GATAD2A: variants seen among roughly 807,000 people sequenced by gnomAD.
GATAD2A encodes transcriptional repressor p66-alpha.
A neutral mutation model predicts 68.5 loss-of-function variants in GATAD2A; 12 were observed. That is an observed-to-expected ratio of 0.18 (90% CI 0.11 to 0.28). The LOEUF (loss-of-function observed/expected upper bound fraction) is 0.28, where lower values mean the gene tolerates loss of function less well. Ranked by LOEUF, GATAD2A falls within the 10% of genes least tolerant of loss-of-function variation. GATAD2A has a pLI of 1.00. For missense variants in GATAD2A, 755 were observed against 868.5 expected (o/e 0.87, Z 1.64); for synonymous variants, 410 against 375.3 (o/e 1.09, Z -1.07).
At chr19:19,432,219 C>T (rs2053835547) in intron 1 of GATAD2A, among the ~76,000 whole-genome samples, 1 of 152,162 alleles carries the variant, frequency 6.6e-6, no homozygotes, top group Non-Finnish European at 1.5e-5. Flanking sequence ...AGGTGATCTA[C>T]CTGCCTCCAT....
intron 1 of GATAD2A, among the ~76,000 whole-genome samples, chr19:19,386,481 AC>A (rs2048430628): frequency 7.0e-6 from 1 of 142,758 alleles, no homozygotes; most frequent in African/African-American, 2.7e-5. Context: ...AGCGACCCCC[AC>A]CTTTCTAGGG....
At chr19:19,487,524 G>A (rs769073978) in intron 2 of GATAD2A, among the ~76,000 whole-genome samples, 1 of 152,030 alleles carries the variant, frequency 6.6e-6, no homozygotes, top group Non-Finnish European at 1.5e-5. Flanking sequence ...TGGGCTGGGG[G>A]TGGCTAAGGA....
intron 8 of GATAD2A, among the ~76,000 whole-genome samples, chr19:19,500,665 G>T: frequency 6.6e-6 from 1 of 152,168 alleles, no homozygotes; most frequent in East Asian, 1.9e-4. Context: ...TGTGAGTCCT[G>T]CCCTGCCACT....
Position 19,405,704 on chromosome 19 carries a change from G to C in GATAD2A, c.-322G>C, listed in dbSNP as rs1262158696. The C allele has an allele frequency of 6.6e-6, 1 of 150,604 alleles. No individual in the cohort carries two copies. The highest frequency in any genetic ancestry group is 2.4e-5 in the African/African-American group (1 of 41,280). 9.3% of individuals were successfully genotyped at this position (150,604 alleles called of 1,614,324 possible). ...CCCGCCCAGCCGGGCGCGGGCGGGC[G>C]GCGTCGCCTTTAAGAGCTCCCCGGT... On this transcript the variant is annotated 5_prime_UTR_variant, in exon 1 of 12. Coordinates refer to ENST00000683918, the MANE Select transcript of GATAD2A (RefSeq NM_001384528.1).
rs1568347877 is a variant in GATAD2A, at chr19:19,505,901, A to AT, written c.*434dup. Reference sequence around the variant, plus strand: ...GCTTCTGAACCGAGCGGGGTGTTTCATTTTTTTGCTTTTCCCTGTCTTAGG... The same window carrying AT: ...GCTTCTGAACCGAGCGGGGTGTTTCATTTTTTTTGCTTTTCCCTGTCTTAGG... On this transcript the variant is annotated 3_prime_UTR_variant, in exon 12 of 12. Coordinates refer to ENST00000683918, the MANE Select transcript of GATAD2A (RefSeq NM_001384528.1). 1 of 397,702 alleles carries AT rather than the reference A, an allele frequency of 2.5e-6. No homozygotes were observed. The highest frequency in any genetic ancestry group is 3.6e-5 in the East Asian group (1 of 28,012). The allele number at this position is 397,702 out of a possible 1,614,324, so 24.6% of individuals were successfully genotyped here. A position where few individuals can be genotyped will look rare whatever the true frequency, so the allele number is the denominator to read the frequency against.
intron 2 of GATAD2A, among the ~76,000 whole-genome samples, chr19:19,489,163 G>A (rs1033643541): frequency 1.3e-5 from 2 of 152,188 alleles, no homozygotes; most frequent in African/African-American, 4.8e-5. Context: ...AAACTTAGAG[G>A]GGCCAGTGAC....
intron 1 of GATAD2A, among the ~76,000 whole-genome samples, chr19:19,429,927 C>T (rs1297627806): frequency 6.6e-6 from 1 of 152,052 alleles, no homozygotes; most frequent in African/African-American, 2.4e-5. Context: ...GGGGACTGCT[C>T]AGGGACCGAC....
At chr19:19,480,256 GA>G (rs1174108625) in intron 2 of GATAD2A, among the ~76,000 whole-genome samples, 1 of 152,140 alleles carries the variant, frequency 6.6e-6, no homozygotes, top group African/African-American at 2.4e-5. Context: ...TAATACCATT[GA>G]ATGTTGGAAA....
In GATAD2A at chr19:19,496,969, C is replaced by A. The variant is rs180931452; in HGVS notation, c.924+750C>A. 2.6e-5 allele frequency among the ~76,000 whole-genome samples: 4 copies of A among 152,342 alleles called. No individual in the cohort carries two copies. In the East Asian group the frequency reaches 7.7e-4, roughly 29 times the overall value. The stretch of plus-strand genomic sequence containing the variant: ...CCTGCCTGCTTTCGAAGGTCAGGTT[C>A]GAGTGCAGAGAAGATGGCTAGTCCT... On this transcript the variant is annotated intron_variant, in intron 7 of 11. Coordinates refer to ENST00000683918, the MANE Select transcript of GATAD2A (RefSeq NM_001384528.1).
chr19:19,462,384 A>G (rs1300944280), intron 1 of GATAD2A, among the ~76,000 whole-genome samples: 2 of 152,054 alleles, frequency 1.3e-5, no homozygotes, highest in African/African-American at 2.4e-5. Context: ...AGCCCCCTGC[A>G]CTCGGGGGCT....
chr19:19,494,538 C>T (rs1462438316), intron 5 of GATAD2A, among the ~76,000 whole-genome samples, 155 bp downstream of exon 5: 1 of 152,184 alleles, frequency 6.6e-6, no homozygotes, highest in African/African-American at 2.4e-5. Context: ...AGCCCACAGC[C>T]TAGGGGAAGA....
Position 19,492,337 on chromosome 19 carries a change from C to T in GATAD2A, c.301C>T (p.Pro101Ser), listed in dbSNP as rs1006276534. ...DMKSERRPPS[P>S]DVIVLSDNEQ... ...GAAGTCCGAGAGGAGACCCCCCTCACCTGACGTGATTGTGCTCTCCGACAA... is the reference window on the plus strand; with the variant it reads ...GAAGTCCGAGAGGAGACCCCCCTCATCTGACGTGATTGTGCTCTCCGACAA... The change falls in exon 3 of 12, where the codon CCT becomes TCT. Residue 101 changes from proline to serine, a missense_variant. Transcript: ENST00000683918. 1.2e-6 allele frequency: 2 copies of T among 1,608,882 alleles called. No individual in the cohort carries two copies. The highest frequency in any genetic ancestry group is 1.7e-6 in the Non-Finnish European group (2 of 1,177,646).
chr19:19,428,802 C>T (rs2053386804), intron 1 of GATAD2A, among the ~76,000 whole-genome samples: 2 of 152,128 alleles, frequency 1.3e-5, no homozygotes, highest in East Asian at 1.9e-4. Flanking sequence ...TCTCAATTCT[C>T]AGTGGTGGCC....
chr19:19,408,448 G>A (rs934609127), intron 1 of GATAD2A, among the ~76,000 whole-genome samples: 1 of 152,188 alleles, frequency 6.6e-6, no homozygotes, highest in East Asian at 1.9e-4. Flanking sequence ...ATTTGTACCA[G>A]AATGTCAATA....
chr19:19,451,733 T>C (rs987375667), intron 1 of GATAD2A, among the ~76,000 whole-genome samples: 2 of 152,238 alleles, frequency 1.3e-5, no homozygotes, highest in African/African-American at 2.4e-5. Context: ...CTGAAAACCA[T>C]ACTTTGTGGT....
At chr19:19,451,545 G>A (rs1384345146) in intron 1 of GATAD2A, among the ~76,000 whole-genome samples, 1 of 152,224 alleles carries the variant, frequency 6.6e-6, no homozygotes. Context: ...AACACGCAAG[G>A]TTGCAGTGCC....
intron 4 of GATAD2A, among the ~76,000 whole-genome samples, chr19:19,493,376 C>T (rs1467253438): frequency 6.6e-6 from 1 of 150,660 alleles, no homozygotes; most frequent in Non-Finnish European, 1.5e-5. Context: ...CAGTCTCTAC[C>T]ATCATCCCTC....
At chr19:19,391,241 A>G (rs10419526) in intron 1 of GATAD2A, among the ~76,000 whole-genome samples, 55 of 152,318 alleles carry the variant, frequency 3.6e-4, no homozygotes, top group African/African-American at 1.3e-3. Context: ...AATCTGAACT[A>G]GGCCCCTGGT....
In GATAD2A at chr19:19,502,404, A is replaced by G; in HGVS notation, c.1652A>G (p.Lys551Arg). 1 of 1,613,696 alleles carries G rather than the reference A, an allele frequency of 6.2e-7. No individual in the cohort carries two copies. Among genetic ancestry groups the G allele is most frequent in the South Asian group, 1.1e-5 (1 of 91,086 alleles). The change falls in exon 11 of 12, where the codon AAA becomes AGA. Residue 551 changes from lysine (K) to arginine (R), a missense_variant. Transcript: ENST00000683918. ...GVLHTFSPSP[K>R]LQNSASATAL... ...CTGCACACGTTCAGTCCGTCACCCA[A>G]ACTGCAGAACTCAGCCTCGGCCACA...
Sources: allele counts gnomAD v4.1 joint callset (sites outside exome capture counted in the v4.1 genomes callset), GRCh38; gene constraint gnomAD v4.1.1; transcripts MANE v1.5; gene names NCBI Gene and HGNC (gene_info 2026-07-23, HGNC 2026-07-21).